The following SLC39A10 variants were observed in gnomAD, a reference collection of about 807,000 sequenced individuals.
The protein encoded by SLC39A10 is solute carrier family 39 member 10, also known as zinc transporter ZIP10.
Under a neutral mutation model 65.1 loss-of-function variants are expected in SLC39A10, and 13 were observed. That is an observed-to-expected ratio of 0.20 (90% CI 0.13 to 0.32). SLC39A10 has a LOEUF of 0.32. Ranked by LOEUF, SLC39A10 falls within the 10% of genes least tolerant of loss-of-function variation. The probability of loss-of-function intolerance (pLI) is 1.00; values close to 1 mark genes in which losing one functional copy is unlikely to be tolerated. For synonymous variants in SLC39A10, 321 were observed against 342.2 expected (o/e 0.94, Z 0.68); for missense variants, 831 against 1,018.4 (o/e 0.82, Z 2.50).
upstream of SLC39A10, chr2:195,656,869 G>A (rs1437488612): frequency 1.3e-5 from 2 of 152,280 alleles, no homozygotes; most frequent in Non-Finnish European, 1.5e-5. Context: ...GAATGATAAA[G>A]GGCGCTCCAC....
rs1692668686 is a variant in SLC39A10 at position 195,737,321 on chromosome 2, G to C, written c.*2280G>C. On this transcript the variant is annotated 3_prime_UTR_variant, in exon 10 of 10. Coordinates refer to ENST00000359634, the MANE Select transcript of SLC39A10 (RefSeq NM_020342.3). ...TTGTTGGAGGTCATTAACGTTACTT[G>C]TACAATGCTGTCACTGTGTGACATC... The C allele has an allele frequency of 6.5e-6, 1 of 153,122 alleles. No homozygotes were observed. The allele number at this position is 153,122 out of a possible 1,614,324, so 9.5% of individuals were successfully genotyped here.
At chr2:195,626,597 T>A (rs1054578982) in intron 2 of SLC39A10, among the ~76,000 whole-genome samples, 1 of 151,032 alleles carries the variant, frequency 6.6e-6, no homozygotes, top group Non-Finnish European at 1.5e-5. Flanking sequence ...TATATTATCT[T>A]AAAAAAAAAC....
At chr2:195,624,379 C>T in intron 2 of SLC39A10, among the ~76,000 whole-genome samples, 2 of 128,330 alleles carry the variant, frequency 1.6e-5, no homozygotes. Context: ...AAGAGCAAAA[C>T]TCCGTCTCAA....
chr2:195,647,682 T>C (rs989646317), intron 2 of SLC39A10, among the ~76,000 whole-genome samples: 1 of 93,820 alleles, frequency 1.1e-5, no homozygotes. Context: ...TAATTATCTC[T>C]TTAATTACCA....
intron 2 of SLC39A10, among the ~76,000 whole-genome samples, chr2:195,627,572 G>T (rs1018677480): frequency 6.6e-6 from 1 of 152,162 alleles, no homozygotes; most frequent in African/African-American, 2.4e-5. Flanking sequence ...TCTCCATGGA[G>T]CAACTATGTG....
Position 195,716,709 on chromosome 2 carries a change from A to G in SLC39A10, c.1769A>G (p.Glu590Gly). The change falls in exon 7 of 10, where the codon GAA becomes GGA. Residue 590 changes from glutamate (E) to glycine (G), a missense_variant. This residue lies in a region of SLC39A10 where 230 missense variants were observed against 242.9 expected (regional missense o/e 0.95). Coordinates refer to ENST00000359634, the MANE Select transcript of SLC39A10 (RefSeq NM_020342.3). Reference protein sequence around the residue: ...TELTDLEGQQESPPKNYLCIE... With the variant: ...TELTDLEGQQGSPPKNYLCIE... Reference sequence around the variant, plus strand: ...CTGACAGATTTAGAAGGCCAACAAGAATCCCCTCCTAAAAATTACCTTTGT... The same window carrying G: ...CTGACAGATTTAGAAGGCCAACAAGGATCCCCTCCTAAAAATTACCTTTGT... 1 of 1,614,156 alleles carries G rather than the reference A, an allele frequency of 6.2e-7. No homozygotes were observed. Among genetic ancestry groups the G allele is most frequent in the Non-Finnish European group, 8.5e-7 (1 of 1,179,990 alleles).
upstream of SLC39A10, among the ~76,000 whole-genome samples, chr2:195,652,313 C>G (rs573049468): frequency 6.6e-6 from 1 of 151,872 alleles, no homozygotes; most frequent in East Asian, 1.9e-4. Flanking sequence ...TTTGGGACGC[C>G]GAGGCGGGTG....
intron 8 of SLC39A10, among the ~76,000 whole-genome samples, chr2:195,724,902 A>G (rs1692180385): frequency 6.6e-6 from 1 of 152,270 alleles, no homozygotes; most frequent in African/African-American, 2.4e-5. Flanking sequence ...AAGCCACCGT[A>G]ATCAAAACAG....
rs755010733 is a variant in SLC39A10 at position 195,680,737 on chromosome 2, A to G, written c.695A>G (p.Lys232Arg). The G allele has an allele frequency of 6.2e-7, 1 of 1,614,194 alleles. No individual in the cohort carries two copies. The highest frequency in any genetic ancestry group is 1.1e-5 in the South Asian group (1 of 91,088). ...EQSDVKLPKG[K>R]RKKKGRKSNE... The stretch of plus-strand genomic sequence containing the variant: ...TCTGATGTTAAACTACCGAAAGGAA[A>G]GAGGAAGAAAAAAGGGAGGAAAAGT... Residue 232 changes from lysine (K) to arginine (R), a missense_variant, in exon 2 of 10, where the codon AAG (lysine) becomes AGG (arginine). Lys to Arg is a conservative substitution (Grantham distance 26). Coordinates refer to ENST00000359634, the MANE Select transcript of SLC39A10 (RefSeq NM_020342.3).
chr2:195,716,895 A>G lies in SLC39A10; in HGVS notation c.1955A>G (p.His652Arg), dbSNP rs199884255. Residue 652 changes from histidine to arginine, a missense_variant, in exon 7 of 10, where the codon CAT becomes CGT. Transcript: ENST00000359634. ...CACCACAAGCATTCTCATCATTCCCATGGCCCCTGTCATTCTGGATCCGAT... is the reference window on the plus strand; with the variant it reads ...CACCACAAGCATTCTCATCATTCCCGTGGCCCCTGTCATTCTGGATCCGAT... ...QWHHKHSHHS[H>R]GPCHSGSDLK... 14 of 1,614,056 alleles carry G rather than the reference A, an allele frequency of 8.7e-6. No individual in the cohort carries two copies. Among genetic ancestry groups the G allele is most frequent in the South Asian group, 1.1e-5 (1 of 91,084 alleles).
At chr2:195,733,432 G>C (rs986809862) in intron 9 of SLC39A10, among the ~76,000 whole-genome samples, 5 of 152,154 alleles carry the variant, frequency 3.3e-5, no homozygotes, top group African/African-American at 1.2e-4. Context: ...TATTTACTTA[G>C]ACAAATTAAA....
intron 1 of SLC39A10, among the ~76,000 whole-genome samples, chr2:195,666,826 A>C (rs770904433): frequency 2.0e-5 from 3 of 152,230 alleles, no homozygotes; most frequent in Non-Finnish European, 4.4e-5. Context: ...TAGTAGCTTC[A>C]AAAGACATCC....
In SLC39A10 at chr2:195,657,265, C is replaced by G; in HGVS notation, c.-28C>G. ...GTACCGAGCGGAGAGGAGATGCACA[C>G]GGCACTCGAGTGTGAGGTAACTATA... On this transcript the variant is annotated 5_prime_UTR_variant, in exon 1 of 10. Transcript: ENST00000359634. 1 of 416,550 alleles carries G rather than the reference C, an allele frequency of 2.4e-6. No individual in the cohort carries two copies. Among genetic ancestry groups the G allele is most frequent in the Non-Finnish European group, 3.2e-6 (1 of 309,836 alleles). 25.8% of individuals were successfully genotyped at this position (416,550 alleles called of 1,614,324 possible). A position where few individuals can be genotyped will look rare whatever the true frequency, so the allele number is the denominator to read the frequency against.
chr2:195,712,952 A>T (rs1691650845), intron 5 of SLC39A10, among the ~76,000 whole-genome samples: 1 of 152,154 alleles, frequency 6.6e-6, no homozygotes, highest in Admixed American at 6.6e-5. Flanking sequence ...TATTCAATAA[A>T]TTTAACAAAC....
intron 8 of SLC39A10, among the ~76,000 whole-genome samples, chr2:195,724,329 A>C (rs1692157522): frequency 6.6e-6 from 1 of 152,208 alleles, no homozygotes; most frequent in African/African-American, 2.4e-5. Flanking sequence ...CATGTTTACT[A>C]TAAATCCCTG....
chr2:195,674,086 A>G (rs1689982545), intron 1 of SLC39A10, among the ~76,000 whole-genome samples: 1 of 152,178 alleles, frequency 6.6e-6, no homozygotes. Context: ...TGTAAATTAT[A>G]CAGCATGTAT....
At chr2:195,668,565 G>A (rs922661304) in intron 1 of SLC39A10, among the ~76,000 whole-genome samples, 2 of 152,200 alleles carry the variant, frequency 1.3e-5, no homozygotes, top group African/African-American at 4.8e-5. Context: ...TTGTGTGCAT[G>A]TGCACATGTG....
Position 195,736,351 on chromosome 2 carries a change from T to C in SLC39A10, c.*1310T>C, listed in dbSNP as rs1692605095. ...TAATTTGTATTACTAGTCATATGCA[T>C]GTAGCTTTCTGTTTACATCCTATGC... On this transcript the variant is annotated 3_prime_UTR_variant, in exon 10 of 10. Transcript: ENST00000359634. 1 of 166,434 alleles carries C rather than the reference T, an allele frequency of 6.0e-6. No individual in the cohort carries two copies. Among genetic ancestry groups the C allele is most frequent in the Non-Finnish European group, 1.5e-5 (1 of 68,114 alleles). The allele number at this position is 166,434 out of a possible 1,614,324, so 10.3% of individuals were successfully genotyped here.
intron 1 of SLC39A10, among the ~76,000 whole-genome samples, chr2:195,671,980 A>G (rs944504276): frequency 7.9e-5 from 12 of 152,058 alleles, no homozygotes; most frequent in African/African-American, 2.9e-4. Flanking sequence ...TTAATGTCCA[A>G]GTGATTTAAT....
Sources: allele counts gnomAD v4.1 joint callset (sites outside exome capture counted in the v4.1 genomes callset), GRCh38; gene constraint gnomAD v4.1.1; regional missense constraint gnomAD v4.1.1; transcripts MANE v1.5; gene names NCBI Gene and HGNC (gene_info 2026-07-23, HGNC 2026-07-21).